Variants in GPR89A observed in about 807,000 individuals in gnomAD.
GPR89A encodes G protein-coupled receptor 89A.
A neutral mutation model predicts 52.0 loss-of-function variants in GPR89A; 16 were observed. That is an observed-to-expected ratio of 0.31 (90% confidence interval 0.21 to 0.47). The LOEUF is 0.47. GPR89A is among the 20% of genes least tolerant of loss of function. The pLI, the probability that GPR89A is intolerant of heterozygous loss-of-function variation, is 1.00. For synonymous variants in GPR89A, 55 were observed against 150.9 expected, an observed-to-expected ratio of 0.36 and a Z score of 4.66; for missense variants, 135 against 449.4, an observed-to-expected ratio of 0.30 and a Z score of 6.33.
At chr1:145,649,334 C>G (rs587691858) in intron 10 of GPR89A, among the ~76,000 whole-genome samples, 1 of 152,254 alleles carries the variant, frequency 6.6e-6, no homozygotes, top group South Asian at 2.1e-4. Flanking sequence ...GACTGCCAAT[C>G]TGCCTTCTCT....
At chr1:145,660,613 AAAAC>A (rs1366293815) in intron 10 of GPR89A, among the ~76,000 whole-genome samples, 57 of 152,284 alleles carry the variant, frequency 3.7e-4, no homozygotes, top group Middle Eastern at 3.4e-3. Context: ...TTACAAGAAA[AAAAC>A]AAACAACCCC....
intron 10 of GPR89A, among the ~76,000 whole-genome samples, chr1:145,648,571 C>T (rs1553693034): frequency 6.7e-6 from 1 of 149,768 alleles, no homozygotes; most frequent in African/African-American, 2.5e-5. Context: ...CCTCTGCCTC[C>T]TGGGCCCAAG....
chr1:145,609,566 A>C (rs587693822), intron 1 of GPR89A, among the ~76,000 whole-genome samples: 1 of 152,254 alleles, frequency 6.6e-6, no homozygotes, highest in African/African-American at 2.4e-5. Flanking sequence ...TTTTAGCCTT[A>C]GTACCAATTT....
chr1:145,647,795 C>T (rs1418960717), intron 10 of GPR89A, among the ~76,000 whole-genome samples: 1 of 6,032 alleles, frequency 1.7e-4, no homozygotes, highest in Non-Finnish European at 2.7e-4. Context: ...GAGGGCGAGA[C>T]TCCATCTCTC....
At position 145,635,222 on chromosome 1, in the gene GPR89A, C is replaced by T. The variant is rs587743396; in HGVS notation, c.617+3478C>T. Among the ~76,000 whole-genome samples the T allele has an allele frequency of 5.5e-4, 83 of 152,050 alleles. 2 individuals are homozygous for T. In the Middle Eastern group the frequency reaches 0.01, roughly 19 times the overall value. On this transcript the variant is annotated intron_variant, in intron 7 of 13. Transcript: ENST00000313835. ...GAGATCAAGACCATCCTGGCTAATA[C>T]GGTGAAACCCCATCTCTACTAAAGA...
chr1:145,646,354 C>T, intron 9 of GPR89A, 82 bp downstream of exon 9: 1 of 1,138,624 alleles, frequency 8.8e-7, no homozygotes, highest in Non-Finnish European at 1.3e-6. Flanking sequence ...TTAGATTTCT[C>T]TGTGGCCAAG....
In GPR89A at chr1:145,616,555, A is replaced by G. The variant is rs1287857010; in HGVS notation, c.102+262A>G. Among the ~76,000 whole-genome samples, 12 of 152,208 alleles carry G rather than the reference A, an allele frequency of 7.9e-5. 1 individual carries two copies. The highest frequency in any genetic ancestry group is 2.9e-4 in the African/African-American group (12 of 41,524). On this transcript the variant is annotated intron_variant, in intron 2 of 13. Coordinates refer to ENST00000313835, the MANE Select transcript of GPR89A (RefSeq NM_001097612.2). ...GGATATGTACCAATAGCAAATAGTT[A>G]TTCTGTAGGAGAGAATTTAATTCAT...
At chr1:145,647,816 CGTCGTCGTCGACTCTCTCTCTCTCTCT>C (rs1651120898) in intron 10 of GPR89A, among the ~76,000 whole-genome samples, 2,314 of 32,752 alleles carry the variant, frequency 0.071, 322 homozygotes, top group Non-Finnish European at 0.095. Flanking sequence ...TCTCTCTCTT[CGTCGTCGTCGACTCTCTCTCTCTCTCT>C]CCTCCTCCTC....
At chr1:145,645,550 G>A (rs1190505687) in intron 8 of GPR89A, 3 of 453,840 alleles carry the variant, frequency 6.6e-6, no homozygotes, top group Non-Finnish European at 1.3e-5. Context: ...ATAACATAGT[G>A]TAATGGAAAG....
chr1:145,617,295 C>T (rs782582784), intron 2 of GPR89A, among the ~76,000 whole-genome samples: 5 of 152,196 alleles, frequency 3.3e-5, no homozygotes, highest in South Asian at 2.1e-4. Context: ...TGCCCAACCC[C>T]GCAAGCAGTC....
At chr1:145,650,158 C>T (rs1651348928) in intron 10 of GPR89A, among the ~76,000 whole-genome samples, 1 of 151,656 alleles carries the variant, frequency 6.6e-6, no homozygotes, top group Admixed American at 6.6e-5. Context: ...TTCGACAGGT[C>T]CCAGTTTGTG....
chr1:145,656,869 A>G (rs1353867605), intron 10 of GPR89A, among the ~76,000 whole-genome samples: 6 of 151,652 alleles, frequency 4.0e-5, no homozygotes, highest in Non-Finnish European at 5.9e-5. Flanking sequence ...CATTGTAATC[A>G]TAGTTTATTG....
intron 10 of GPR89A, among the ~76,000 whole-genome samples, chr1:145,659,346 G>A (rs747474579): frequency 1.3e-5 from 2 of 151,112 alleles, no homozygotes; most frequent in Non-Finnish European, 2.9e-5. Context: ...AACCACTCCC[G>A]GCTAACTTTT....
intron 10 of GPR89A, among the ~76,000 whole-genome samples, chr1:145,659,879 T>C (rs1331437862): frequency 6.8e-6 from 1 of 146,828 alleles, no homozygotes; most frequent in African/African-American, 2.6e-5. Flanking sequence ...GCCATTTTCA[T>C]GATATTGATT....
At chr1:145,608,601 G>T (rs1422372897) in intron 1 of GPR89A, 5 of 590,228 alleles carry the variant, frequency 8.5e-6, no homozygotes, top group Non-Finnish European at 1.3e-5. Context: ...ACACGTCAGT[G>T]CAGGCTTTGC....
intron 7 of GPR89A, among the ~76,000 whole-genome samples, chr1:145,632,668 C>T (rs1355185000): frequency 2.0e-4 from 30 of 152,244 alleles, no homozygotes; most frequent in Non-Finnish European, 3.4e-4. Flanking sequence ...AGATTGATAC[C>T]ATAACTTGGC....
At chr1:145,639,939 C>T (rs587599989) in intron 7 of GPR89A, among the ~76,000 whole-genome samples, 15 of 152,168 alleles carry the variant, frequency 9.9e-5, no homozygotes, top group East Asian at 1.9e-4. Flanking sequence ...TAAAACACGC[C>T]GGGCGTGGTG....
At chr1:145,615,292 T>C (rs147943143) in intron 1 of GPR89A, among the ~76,000 whole-genome samples, 5,608 of 152,300 alleles carry the variant, frequency 0.037, 330 homozygotes, top group African/African-American at 0.13. Flanking sequence ...ACTACTCCTC[T>C]AATTTTGGTC....
At chr1:145,656,690 C>G (rs1651829915) in intron 10 of GPR89A, among the ~76,000 whole-genome samples, 1 of 152,146 alleles carries the variant, frequency 6.6e-6, no homozygotes, top group Admixed American at 6.5e-5. Context: ...TTTTCTCCTG[C>G]TCCTTCTCCA....
Sources: gnomAD v4.1 joint callset for allele counts (sites outside exome capture counted in the v4.1 genomes callset) on GRCh38, gnomAD v4.1.1 for gene constraint, MANE v1.5 for transcripts, NCBI Gene and HGNC (gene_info 2026-07-23, HGNC 2026-07-21) for gene names.